ABTB2: variants seen among roughly 807,000 people sequenced by gnomAD.
ABTB2 encodes the protein ankyrin repeat and BTB domain containing 2.
A neutral mutation model predicts 104.1 loss-of-function variants in ABTB2; 56 were observed. That is an observed-to-expected ratio of 0.54 (90% confidence interval 0.43 to 0.67). The LOEUF is 0.67. Ranked by LOEUF, ABTB2 falls within the 30% of genes least tolerant of loss-of-function variation. ABTB2 has a pLI of 0.00. For missense variants in ABTB2, 1,279 were observed against 1,407.7 expected, an observed-to-expected ratio of 0.91 and a Z score of 1.46; for synonymous variants, 606 against 608.2, an observed-to-expected ratio of 1.00 and a Z score of 0.05.
At chr11:34,249,490 C>T (rs1438120332) in intron 1 of ABTB2, among the ~76,000 whole-genome samples, 2 of 152,172 alleles carry the variant, frequency 1.3e-5, no homozygotes, top group Non-Finnish European at 2.9e-5. Context: ...TGGGGAATAT[C>T]CTCTAGTACA....
At chr11:34,310,386 C>T (rs958066745) in intron 1 of ABTB2, among the ~76,000 whole-genome samples, 24 of 152,236 alleles carry the variant, frequency 1.6e-4, no homozygotes, top group African/African-American at 4.3e-4. Flanking sequence ...TCCCTGCAAC[C>T]CTCTGAGTTT....
chr11:34,278,543 C>T (rs1854412213), intron 1 of ABTB2, among the ~76,000 whole-genome samples: 1 of 152,134 alleles, frequency 6.6e-6, no homozygotes, highest in South Asian at 2.1e-4. Flanking sequence ...CATTATCACC[C>T]TAATCCCTGA....
At chr11:34,230,957 C>T (rs1398148159) in intron 1 of ABTB2, among the ~76,000 whole-genome samples, 8 of 152,244 alleles carry the variant, frequency 5.3e-5, no homozygotes, top group South Asian at 2.1e-4. Context: ...GCAATCCTCC[C>T]GCCTTGGCCT....
intron 1 of ABTB2, among the ~76,000 whole-genome samples, chr11:34,236,340 T>C (rs1311476011): frequency 6.6e-6 from 1 of 152,148 alleles, no homozygotes; most frequent in Non-Finnish European, 1.5e-5. Context: ...GGTAGAGAAT[T>C]CACACTTGTC....
intron 1 of ABTB2, among the ~76,000 whole-genome samples, chr11:34,218,554 A>C (rs867552217): frequency 6.6e-6 from 1 of 152,120 alleles, no homozygotes; most frequent in Non-Finnish European, 1.5e-5. Flanking sequence ...CCATTTGTTA[A>C]AAAGGCTATC....
chr11:34,163,605 C>T (rs1278084341), intron 9 of ABTB2, among the ~76,000 whole-genome samples: 5 of 152,188 alleles, frequency 3.3e-5, no homozygotes, highest in African/African-American at 1.2e-4. Context: ...TGCAAGGTTC[C>T]TGGGGGCTGA....
chr11:34,183,137 T>A (rs549332886), intron 3 of ABTB2, among the ~76,000 whole-genome samples: 1 of 152,292 alleles, frequency 6.6e-6, no homozygotes, highest in Non-Finnish European at 1.5e-5. Flanking sequence ...TCTTGCTCTG[T>A]CGCCCAGGCT....
intron 1 of ABTB2, among the ~76,000 whole-genome samples, chr11:34,243,448 T>C (rs1175594595): frequency 6.6e-6 from 1 of 152,102 alleles, no homozygotes; most frequent in East Asian, 1.9e-4. Flanking sequence ...CTGGCAAATC[T>C]CTTAACCCTA....
In ABTB2 at chr11:34,204,547, G is replaced by T. The variant is rs1270674315; in HGVS notation, c.1027C>A (p.Leu343Met). 1 of 1,607,750 alleles carries T rather than the reference G, an allele frequency of 6.2e-7. No individual in the cohort carries two copies. Among genetic ancestry groups the T allele is most frequent in the East Asian group, 2.2e-5 (1 of 44,782 alleles). ...LATCVGSISE[L>M]SDLVSRAMHH... Reference sequence around the variant, plus strand: ...TAGACACTGAGGCCACACTTACTCAGCTCCGAGATGCTGCCCACGCAGGTG... The same window carrying T: ...TAGACACTGAGGCCACACTTACTCATCTCCGAGATGCTGCCCACGCAGGTG... The change falls in exon 2 of 17, where the codon CTG becomes ATG. Residue 343 changes from leucine to methionine, a missense_variant. Coordinates refer to ENST00000435224, the MANE Select transcript of ABTB2 (RefSeq NM_145804.3).
intron 1 of ABTB2, among the ~76,000 whole-genome samples, chr11:34,230,113 T>G (rs1478281995): frequency 1.3e-5 from 2 of 152,072 alleles, no homozygotes; most frequent in East Asian, 3.9e-4. Context: ...AGGTGGGAGG[T>G]GGCACACGCA....
At chr11:34,232,834 G>A (rs1184160501) in intron 1 of ABTB2, among the ~76,000 whole-genome samples, 3 of 151,864 alleles carry the variant, frequency 2.0e-5, no homozygotes, top group Non-Finnish European at 4.4e-5. Flanking sequence ...TTAGCCAGGC[G>A]TAATGGTCCC....
rs746912266 is a variant in ABTB2 at position 34,154,308 on chromosome 11, G to T, written c.2837C>A (p.Thr946Asn). The T allele has an allele frequency of 1.9e-6, 3 of 1,614,136 alleles. No individual in the cohort carries two copies. The highest frequency in any genetic ancestry group is 2.5e-6 in the Non-Finnish European group (3 of 1,180,010). Residue 946 changes from threonine (T) to asparagine (N), a missense_variant, in exon 16 of 17, where the codon ACC becomes AAC. By Grantham distance (65) the Thr-to-Asn change is moderately conservative (BLOSUM62 0). Transcript: ENST00000435224. This position sits in a 1 kb window ranked among gnomAD's most constrained non-coding sequence, Gnocchi z 4.9. ...GTTCACGGCACTCTCCATGCTGAGG[G>T]TCTGGGAGCACAGGATCTCGCAGTG... ...QRHCEILCSQ[T>N]LSMESAVNTY...
chr11:34,154,208 C>A lies in ABTB2; in HGVS notation c.2880+57G>T. The A allele has an allele frequency of 2.2e-6, 3 of 1,390,552 alleles. No homozygotes were observed. The highest frequency in any genetic ancestry group is 3.1e-6 in the Non-Finnish European group (3 of 983,362). 86.1% of individuals were successfully genotyped at this position (1,390,552 alleles called of 1,614,324 possible). A position where few individuals can be genotyped will look rare whatever the true frequency, so the allele number is the denominator to read the frequency against. ...CCCCAGTGCAGCCACACGGCCGAGG[C>A]CCCCGTGGAGCAGAGCATGTGGTGG... On this transcript the variant is annotated intron_variant, in intron 16 of 16. Transcript: ENST00000435224. This position sits in a 1 kb window ranked among gnomAD's most constrained non-coding sequence, Gnocchi z 4.9.
At chr11:34,229,349 C>G (rs528098792) in intron 1 of ABTB2, among the ~76,000 whole-genome samples, 1 of 151,040 alleles carries the variant, frequency 6.6e-6, no homozygotes, top group Non-Finnish European at 1.5e-5. Flanking sequence ...GGTGTGGTGG[C>G]GGGCGCCTGT....
intron 1 of ABTB2, among the ~76,000 whole-genome samples, chr11:34,230,196 G>C (rs899700062): frequency 5.9e-5 from 9 of 152,226 alleles, no homozygotes; most frequent in East Asian, 3.8e-4. Context: ...GCTGTGATCA[G>C]AGCAGGGGGA....
rs529341818 is a variant in ABTB2 at position 34,208,076 on chromosome 11, A to G, written c.884-3386T>C. On this transcript the variant is annotated intron_variant, in intron 1 of 16. Transcript: ENST00000435224. ...CTGTAAGAAAGTCTTCTCTACATCAATTCTAAATTCTCTCTCCCACATCAG... is the reference window on the plus strand; with the variant it reads ...CTGTAAGAAAGTCTTCTCTACATCAGTTCTAAATTCTCTCTCCCACATCAG... Among the ~76,000 whole-genome samples the G allele has an allele frequency of 5.3e-5, 8 of 152,276 alleles. No individual in the cohort carries two copies. In the East Asian group the frequency reaches 1.5e-3, roughly 29 times the overall value.
At chr11:34,262,014 T>C (rs1854194385) in intron 1 of ABTB2, among the ~76,000 whole-genome samples, 1 of 152,190 alleles carries the variant, frequency 6.6e-6, no homozygotes. Context: ...ACCATACCCC[T>C]GGTACAGTGA....
intron 3 of ABTB2, among the ~76,000 whole-genome samples, chr11:34,190,926 C>G (rs1853166715): frequency 6.6e-6 from 1 of 152,164 alleles, no homozygotes; most frequent in African/African-American, 2.4e-5. Context: ...TAGCATTTAG[C>G]TAAGTGCTTT....
intron 1 of ABTB2, among the ~76,000 whole-genome samples, chr11:34,226,204 TAAAA>T (rs34915007): frequency 1.3e-5 from 1 of 79,592 alleles, no homozygotes; most frequent in Non-Finnish European, 2.4e-5. Flanking sequence ...GAGAGTCCAT[TAAAA>T]AAAAAAAAAA....
Sources: allele counts gnomAD v4.1 joint callset (sites outside exome capture counted in the v4.1 genomes callset), GRCh38; gene constraint gnomAD v4.1.1; non-coding constraint Gnocchi (gnomAD v3.1); transcripts MANE v1.5; gene names NCBI Gene and HGNC (gene_info 2026-07-23, HGNC 2026-07-21).